The following TSPAN12 variants were observed in gnomAD, a reference collection of about 807,000 sequenced individuals.
TSPAN12 encodes tetraspanin-12.
Under a neutral mutation model 39.2 loss-of-function variants are expected in TSPAN12, and 19 were observed. The observed-to-expected ratio is 0.49, with a 90% confidence interval of 0.34 to 0.71. The LOEUF is 0.71. TSPAN12 is among the 30% of genes least tolerant of loss of function. The pLI, the probability that TSPAN12 is intolerant of heterozygous loss-of-function variation, is 0.01. For synonymous variants in TSPAN12, 119 were observed against 124.8 expected, an observed-to-expected ratio of 0.95 and a Z score of 0.31; for missense variants, 314 against 359.9, an observed-to-expected ratio of 0.87 and a Z score of 1.03.
chr7:120,856,516 A>G (rs1275967178), intron 2 of TSPAN12, among the ~76,000 whole-genome samples, 182 bp downstream of exon 2: 4 of 152,252 alleles, frequency 2.6e-5, no homozygotes, highest in Admixed American at 2.6e-4. Context: ...TCTAATTACA[A>G]ATGGAACTTG....
intron 5 of TSPAN12, among the ~76,000 whole-genome samples, chr7:120,812,631 C>T (rs929748970): frequency 1.3e-5 from 2 of 151,986 alleles, no homozygotes; most frequent in South Asian, 2.1e-4. Flanking sequence ...ATAAAACATC[C>T]AAACACTTGG....
intron 2 of TSPAN12, among the ~76,000 whole-genome samples, chr7:120,847,966 G>T (rs139981105): frequency 6.6e-6 from 1 of 151,984 alleles, no homozygotes; most frequent in African/African-American, 2.4e-5. Context: ...TTCTTAAACC[G>T]TGCTTCCTGC....
intron 7 of TSPAN12, 70 bp from the exon 8 acceptor site, chr7:120,788,967 C>G (rs535675608): frequency 1.3e-6 from 2 of 1,482,356 alleles, no homozygotes; most frequent in South Asian, 1.1e-5. Context: ...TTAATGAAAG[C>G]AAACAATCTG....
chr7:120,829,783 G>A (rs940958347), intron 4 of TSPAN12, among the ~76,000 whole-genome samples: 2 of 152,064 alleles, frequency 1.3e-5, no homozygotes, highest in African/African-American at 4.8e-5. Context: ...GAAATATTTG[G>A]CTTATATTTA....
intron 7 of TSPAN12, among the ~76,000 whole-genome samples, chr7:120,802,961 A>G (rs1191694200): frequency 6.6e-6 from 1 of 152,204 alleles, no homozygotes; most frequent in African/African-American, 2.4e-5. Context: ...TTGACTTCAG[A>G]CTACTGAAGA....
chr7:120,841,559 G>T (rs941778703), intron 2 of TSPAN12, among the ~76,000 whole-genome samples: 2 of 152,160 alleles, frequency 1.3e-5, no homozygotes, highest in Non-Finnish European at 2.9e-5. Flanking sequence ...TGATACAACT[G>T]AGGAAAGTTT....
At chr7:120,856,444 T>A (rs1584958616) in intron 2 of TSPAN12, among the ~76,000 whole-genome samples, 1 of 152,234 alleles carries the variant, frequency 6.6e-6, no homozygotes, top group East Asian at 1.9e-4. Context: ...TTTATTTATA[T>A]CCCTAGATTA....
At chr7:120,811,586 T>G (rs1584932504) in intron 5 of TSPAN12, among the ~76,000 whole-genome samples, 3 of 142,280 alleles carry the variant, frequency 2.1e-5, no homozygotes, top group Admixed American at 6.9e-5. Flanking sequence ...AGGAGAATGG[T>G]GTGAACCCGG....
intron 7 of TSPAN12, 75 bp from the exon 8 acceptor site, chr7:120,788,972 A>C (rs1022542062): frequency 4.2e-5 from 60 of 1,445,046 alleles, no homozygotes; most frequent in Non-Finnish European, 5.7e-5. Flanking sequence ...GAAAGCAAAC[A>C]ATCTGTATCA....
intron 4 of TSPAN12, among the ~76,000 whole-genome samples, chr7:120,837,284 T>A (rs551029664): frequency 3.9e-5 from 6 of 151,944 alleles, no homozygotes; most frequent in Admixed American, 3.9e-4. Flanking sequence ...TTTCCCCATC[T>A]CTGAGTGTGG....
intron 7 of TSPAN12, among the ~76,000 whole-genome samples, chr7:120,789,584 A>C (rs575539339): frequency 1.6e-4 from 24 of 152,250 alleles, no homozygotes; most frequent in Non-Finnish European, 2.8e-4. Flanking sequence ...CAAGTATTCT[A>C]TAAGAGCTCA....
chr7:120,849,411 T>G (rs777886867), intron 2 of TSPAN12, among the ~76,000 whole-genome samples: 3 of 152,198 alleles, frequency 2.0e-5, no homozygotes, highest in Non-Finnish European at 4.4e-5. Context: ...TTATGAAATG[T>G]GTACCTATAA....
intron 4 of TSPAN12, among the ~76,000 whole-genome samples, chr7:120,822,769 A>G (rs751953850): frequency 7.9e-5 from 12 of 152,076 alleles, no homozygotes; most frequent in Non-Finnish European, 2.9e-5. Context: ...ACCTTCACCA[A>G]TAGAGATGCT....
intron 1 of TSPAN12, chr7:120,857,204 T>A (rs1409078464): frequency 3.2e-6 from 1 of 309,520 alleles, no homozygotes; most frequent in Non-Finnish European, 6.3e-6. Flanking sequence ...GGCACTGTCC[T>A]GAAGGTGAGA....
chr7:120,831,507 A>G (rs569285964), intron 4 of TSPAN12, among the ~76,000 whole-genome samples: 4 of 152,226 alleles, frequency 2.6e-5, no homozygotes, highest in Admixed American at 2.6e-4. Context: ...ACATGGATGA[A>G]CCTGGAGGAC....
At chr7:120,842,780 G>A (rs750413382) in intron 2 of TSPAN12, among the ~76,000 whole-genome samples, 13 of 151,884 alleles carry the variant, frequency 8.6e-5, no homozygotes, top group Non-Finnish European at 1.6e-4. Flanking sequence ...AATGTATTTC[G>A]ATATAATTAA....
chr7:120,836,191 C>A (rs1465035108), intron 4 of TSPAN12, among the ~76,000 whole-genome samples: 1 of 152,028 alleles, frequency 6.6e-6, no homozygotes, highest in Non-Finnish European at 1.5e-5. Flanking sequence ...GGGGAGGAAG[C>A]CAGAGAGGAG....
rs541045003 is a variant in TSPAN12 at position 120,788,478 on chromosome 7, G to A, written c.*114C>T. The A allele has an allele frequency of 1.1e-5, 15 of 1,317,808 alleles. No individual in the cohort carries two copies. In the African/African-American group the frequency reaches 2.0e-4, roughly 18 times the overall value. 81.6% of individuals were successfully genotyped at this position (1,317,808 alleles called of 1,614,324 possible). A position where few individuals can be genotyped will look rare whatever the true frequency, so the allele number is the denominator to read the frequency against. On this transcript the variant is annotated 3_prime_UTR_variant, in exon 8 of 8. Transcript: ENST00000222747. ...AGCATAGAATAGTATATGCTTAGGTGTTATTTTATGGCAACATTTTTATTT... is the reference window on the plus strand; with the variant it reads ...AGCATAGAATAGTATATGCTTAGGTATTATTTTATGGCAACATTTTTATTT...
intron 2 of TSPAN12, among the ~76,000 whole-genome samples, chr7:120,854,740 T>A (rs1210265125): frequency 6.6e-6 from 1 of 152,196 alleles, no homozygotes; most frequent in African/African-American, 2.4e-5. Flanking sequence ...GCATTGTGTA[T>A]CTGTTGTGGA....
Sources: gnomAD v4.1 joint callset for allele counts (sites outside exome capture counted in the v4.1 genomes callset) on GRCh38, gnomAD v4.1.1 for gene constraint, MANE v1.5 for transcripts, NCBI Gene and HGNC (gene_info 2026-07-23, HGNC 2026-07-21) for gene names.